The following LRRK2 variants were observed in gnomAD, a reference collection of about 807,000 sequenced individuals.
LRRK2 encodes leucine-rich repeat serine/threonine-protein kinase 2.
LRRK2 carries 203 observed loss-of-function variants against 302.6 expected under a neutral mutation model. The ratio of observed to expected loss-of-function variants is 0.67; its 90% CI spans 0.60 to 0.75. The LOEUF (loss-of-function observed/expected upper bound fraction) is 0.75. LRRK2 is among the 30% of genes least tolerant of loss of function. The pLI, the probability that LRRK2 is intolerant of heterozygous loss-of-function variation, is 0.00. For synonymous variants in LRRK2, 1,066 were observed against 1,031.9 expected, an observed-to-expected ratio of 1.03 and a Z score of -0.63; for missense variants, 2,830 against 2,951.0, an observed-to-expected ratio of 0.96 and a Z score of 0.95.
chr12:40,323,446 A>G (rs551784828), intron 38 of LRRK2, 140 bp downstream of exon 38: 1 of 796,848 alleles, frequency 1.3e-6, no homozygotes, highest in South Asian at 1.9e-5. Context: ...TTGGAATGAT[A>G]TATTTTAAAG....
intron 30 of LRRK2, among the ~76,000 whole-genome samples, 185 bp from the exon 31 acceptor site, chr12:40,310,246 T>C (rs1221729247): frequency 2.0e-5 from 3 of 152,068 alleles, no homozygotes; most frequent in African/African-American, 7.2e-5. Flanking sequence ...CTTTTTAAAA[T>C]GTCGTAAGGT....
chr12:40,265,247 A>C lies in LRRK2; in HGVS notation c.1656+1346A>C, dbSNP rs75895732. ...GGAAGGAAGGGGTTAGGCATTTAGA[A>C]GATAAATAAATATGCTTTGTACTCT... is the stretch of plus-strand genomic sequence containing the variant. On this transcript the variant is annotated intron_variant, in intron 14 of 50. Coordinates refer to ENST00000298910, the MANE Select transcript of LRRK2 (RefSeq NM_198578.4). Among the ~76,000 whole-genome samples, 799 of 152,332 alleles carry C rather than the reference A, an allele frequency of 5.2e-3. 6 individuals carry two copies. The highest frequency in any genetic ancestry group is 0.014 in the Middle Eastern group (4 of 294).
intron 14 of LRRK2, among the ~76,000 whole-genome samples, chr12:40,271,685 C>T (rs1281087427): frequency 6.6e-6 from 1 of 152,034 alleles, no homozygotes; most frequent in Non-Finnish European, 1.5e-5. Context: ...ATAGTCATAC[C>T]TATGTAATAC....
At chr12:40,328,044 G>T (rs1434054007) in intron 38 of LRRK2, among the ~76,000 whole-genome samples, 1 of 152,186 alleles carries the variant, frequency 6.6e-6, no homozygotes, top group Non-Finnish European at 1.5e-5. Context: ...GTGTAGGAAA[G>T]CACTTAGGAG....
At chr12:40,295,405 GT>G in intron 22 of LRRK2, 21 bp from the exon 23 acceptor site, 1 of 1,590,340 alleles carries the variant, frequency 6.3e-7, no homozygotes, top group Non-Finnish European at 8.6e-7. Context: ...TATTTCCATT[GT>G]TTGTTTGTTT....
At chr12:40,257,406 A>C in intron 12 of LRRK2, 29 bp downstream of exon 12, 1 of 1,602,070 alleles carries the variant, frequency 6.2e-7, no homozygotes, top group Non-Finnish European at 8.5e-7. Context: ...CTTGTACAGA[A>C]TATATCATAT....
chr12:40,340,094 T>G (rs1945992092), intron 40 of LRRK2, among the ~76,000 whole-genome samples, 200 bp from the exon 41 acceptor site: 1 of 152,252 alleles, frequency 6.6e-6, no homozygotes, highest in South Asian at 2.1e-4. Flanking sequence ...TTGACCCTTT[T>G]TTAAAGCATA....
intron 20 of LRRK2, 75 bp from the exon 21 acceptor site, chr12:40,293,470 C>A: frequency 1.1e-6 from 1 of 905,298 alleles, no homozygotes; most frequent in Non-Finnish European, 1.8e-6. Flanking sequence ...CATGATTGAA[C>A]TATGATAGAA....
In LRRK2 at chr12:40,321,098, C is replaced by T. The variant is rs746878736; in HGVS notation, c.5080C>T (p.Leu1694=). Reference sequence around the variant, plus strand: ...TGAGAACTCTGAAATTATCATCCGACTATATGAAATGCCTTATTTTCCAAT... The same window carrying T: ...TGAGAACTCTGAAATTATCATCCGATTATATGAAATGCCTTATTTTCCAAT... The part of the protein sequence containing the change: ...HCENSEIIIR[L]YEMPYFPMGF... The change falls in exon 35 of 51, where the codon CTA becomes TTA. Residue 1694 remains leucine (L), a synonymous_variant. Coordinates refer to ENST00000298910, the MANE Select transcript of LRRK2 (RefSeq NM_198578.4). 9.9e-6 allele frequency: 16 copies of T among 1,612,760 alleles called. No homozygotes were observed. In the East Asian group the frequency reaches 2.9e-4, roughly 29 times the overall value.
intron 14 of LRRK2, among the ~76,000 whole-genome samples, chr12:40,264,824 T>A (rs1039639207): frequency 6.6e-5 from 10 of 152,344 alleles, no homozygotes; most frequent in Middle Eastern, 6.8e-3. Context: ...AAGAAGGGAA[T>A]TACATTTAAA....
intron 39 of LRRK2, among the ~76,000 whole-genome samples, chr12:40,329,301 G>GT (rs1170560075): frequency 6.6e-6 from 1 of 151,978 alleles, no homozygotes; most frequent in Non-Finnish European, 1.5e-5. Flanking sequence ...CAAAACTTTT[G>GT]TTTTTTTAGT....
At chr12:40,240,113 C>T (rs748864560) in intron 5 of LRRK2, among the ~76,000 whole-genome samples, 14 of 152,128 alleles carry the variant, frequency 9.2e-5, no homozygotes, top group Non-Finnish European at 1.8e-4. Context: ...TTAATGCCTC[C>T]CTTTTAAATA....
At chr12:40,270,131 C>T (rs553116129) in intron 14 of LRRK2, among the ~76,000 whole-genome samples, 20 of 152,168 alleles carry the variant, frequency 1.3e-4, no homozygotes, top group African/African-American at 4.8e-4. Flanking sequence ...TAATGCTTGG[C>T]ACATAGTATG....
In LRRK2 at chr12:40,322,440, A is replaced by C; in HGVS notation, c.5439A>C (p.Leu1813Phe). The change falls in exon 37 of 51, where the codon TTA becomes TTC. Residue 1813 changes from leucine (L) to phenylalanine (F), a missense_variant. Physicochemically the swap from Leu to Phe is conservative, Grantham distance 22. Coordinates refer to ENST00000298910, the MANE Select transcript of LRRK2 (RefSeq NM_198578.4). ...EGETLLKKWALYSFNDGEEHQ... is the reference protein window; with the variant it reads ...EGETLLKKWAFYSFNDGEEHQ... Reference sequence around the variant, plus strand: ...AAACTCTGTTGAAGAAATGGGCATTATATAGTTTTAATGATGGTGAAGAAC... The same window carrying C: ...AAACTCTGTTGAAGAAATGGGCATTCTATAGTTTTAATGATGGTGAAGAAC... The C allele has an allele frequency of 6.2e-7, 1 of 1,613,474 alleles. No homozygotes were observed. Among genetic ancestry groups the C allele is most frequent in the African/African-American group, 1.3e-5 (1 of 75,008 alleles).
intron 5 of LRRK2, among the ~76,000 whole-genome samples, chr12:40,239,562 A>G (rs1941632524): frequency 6.6e-6 from 1 of 152,126 alleles, no homozygotes. Flanking sequence ...CAATAGAAAA[A>G]CCATCAGTGC....
At position 40,305,893 on chromosome 12, in the gene LRRK2, G is replaced by T. The variant is rs56320539; in HGVS notation, c.3886G>T (p.Asp1296Tyr). The T allele has an allele frequency of 1.9e-6, 3 of 1,613,268 alleles. No individual in the cohort carries two copies. Among genetic ancestry groups the T allele is most frequent in the East Asian group, 2.2e-5 (1 of 44,860 alleles). The change falls in exon 28 of 51, where the codon GAT becomes TAT. Residue 1296 changes from aspartate (D) to tyrosine (Y), a missense_variant. By Grantham distance (160) the Asp-to-Tyr change is radical (BLOSUM62 -3). Around this residue, in one of 3 missense-constraint regions of LRRK2, gnomAD observed 2,121 missense variants for 2,148.0 expected, o/e 0.99. Coordinates refer to ENST00000298910, the MANE Select transcript of LRRK2 (RefSeq NM_198578.4). ...NEMGKLSKIW[D>Y]LPLDELHLNF... The stretch of plus-strand genomic sequence containing the variant: ...AATGGGGAAATTAAGCAAAATATGG[G>T]ATCTTCCTTTGGATGAACTGCATCT...
At chr12:40,318,500 G>A (rs192734879) in intron 33 of LRRK2, among the ~76,000 whole-genome samples, 12 of 152,112 alleles carry the variant, frequency 7.9e-5, no homozygotes. Context: ...TACTTTATTA[G>A]CCCCTATGAT....
In LRRK2 at chr12:40,308,619, T is replaced by C. The variant is rs1944918293; in HGVS notation, c.4112T>C (p.Ile1371Thr). The change falls in exon 29 of 51, where the codon ATA (isoleucine) becomes ACA (threonine). Residue 1371 changes from isoleucine (I) to threonine (T), a missense_variant. By Grantham distance (89) the Ile-to-Thr change is moderately conservative. This residue lies in a region of LRRK2 where 2,121 missense variants were observed against 2,148.0 expected (regional missense o/e 0.99). Coordinates refer to ENST00000298910, the MANE Select transcript of LRRK2 (RefSeq NM_198578.4). ...DLGMQSATVG[I>T]DVKDWPIQIR... ...GGAATGCAAAGTGCCACAGTTGGCA[T>C]AGATGTGAAAGACTGGCCTATCCAA... 2 of 1,614,056 alleles carry C rather than the reference T, an allele frequency of 1.2e-6. No homozygotes were observed. The highest frequency in any genetic ancestry group is 1.3e-5 in the African/African-American group (1 of 75,052).
chr12:40,304,925 A>G (rs1944762422), intron 27 of LRRK2: 2 of 152,100 alleles, frequency 1.3e-5, no homozygotes, highest in Non-Finnish European at 2.9e-5. Context: ...TCATTGTATC[A>G]CCAAATCTCT....
Sources: allele counts gnomAD v4.1 joint callset (sites outside exome capture counted in the v4.1 genomes callset), GRCh38; gene constraint gnomAD v4.1.1; regional missense constraint gnomAD v4.1.1; transcripts MANE v1.5; gene names NCBI Gene and HGNC (gene_info 2026-07-23, HGNC 2026-07-21).